Variants in SLC35G2 observed in about 807,000 individuals in gnomAD.
SLC35G2 encodes the protein solute carrier family 35 member G2.
SLC35G2 carries 20 observed loss-of-function variants against 27.2 expected under a neutral mutation model. The ratio of observed to expected loss-of-function variants is 0.74; its 90% CI spans 0.52 to 1.07. The LOEUF is 1.07. Among genes scored for constraint, SLC35G2 ranks in the 50% least tolerant of loss-of-function variants. The pLI is 0.00. For missense variants in SLC35G2, 416 were observed against 493.3 expected (o/e 0.84, Z 1.48); for synonymous variants, 148 against 165.3 (o/e 0.90, Z 0.80).
intron 1 of SLC35G2, among the ~76,000 whole-genome samples, chr3:136,836,122 T>TCACACACACACACCCA (rs1553784701): frequency 1.3e-5 from 2 of 151,624 alleles, no homozygotes; most frequent in African/African-American, 4.8e-5. Context: ...GCTAGGAAAT[T>TCACACACACACACCCA]CACACACACA....
intron 1 of SLC35G2, among the ~76,000 whole-genome samples, chr3:136,822,548 C>G (rs2107993533): frequency 6.6e-6 from 1 of 152,346 alleles, no homozygotes; most frequent in Non-Finnish European, 1.5e-5. Context: ...CTCCTGACCT[C>G]AGGTGATCTG....
At chr3:136,853,479 A>G (rs1321076010) in intron 1 of SLC35G2, among the ~76,000 whole-genome samples, 2 of 152,116 alleles carry the variant, frequency 1.3e-5, no homozygotes, top group East Asian at 1.9e-4. Context: ...ACTCTCCTGT[A>G]TGTACATTTT....
At position 136,854,779 on chromosome 3, in the gene SLC35G2, G is replaced by C. The variant is rs1287130202; in HGVS notation, c.319G>C (p.Val107Leu). 1.2e-6 allele frequency: 2 copies of C among 1,614,168 alleles called. No individual in the cohort carries two copies. The highest frequency in any genetic ancestry group is 3.3e-5 in the Admixed American group (2 of 60,012). ...NIFQSRKMWI[V>L]LFGSALAHGC... ...TTTTCAATCCCGAAAAATGTGGATA[G>C]TGCTGTTTGGATCTGCTTTGGCTCA... The change falls in exon 2 of 2, where the codon GTG becomes CTG. Residue 107 changes from valine (V) to leucine (L), a missense_variant. Physicochemically the swap from Val to Leu is conservative, Grantham distance 32. Transcript: ENST00000446465.
chr3:136,853,456 T>C lies in SLC35G2; in HGVS notation c.-18-987T>C, dbSNP rs1005099676. Among the ~76,000 whole-genome samples, 4 of 152,256 alleles carry C rather than the reference T, an allele frequency of 2.6e-5. No homozygotes were observed. In the East Asian group the frequency reaches 7.7e-4, roughly 29 times the overall value. ...TCCATTGTATGAACATTCATTGTAGTAAGCTACAATGAACTCTCCTGTATG... is the reference window on the plus strand; with the variant it reads ...TCCATTGTATGAACATTCATTGTAGCAAGCTACAATGAACTCTCCTGTATG... On this transcript the variant is annotated intron_variant, in intron 1 of 1. Coordinates refer to ENST00000446465, the MANE Select transcript of SLC35G2 (RefSeq NM_025246.3).
intron 1 of SLC35G2, among the ~76,000 whole-genome samples, chr3:136,830,079 T>C (rs1268448108): frequency 6.6e-6 from 1 of 151,514 alleles, no homozygotes; most frequent in African/African-American, 2.4e-5. Context: ...AGGCTGTTTC[T>C]AGATTTTTTA....
In SLC35G2 at chr3:136,835,307, C is replaced by CT. The variant is rs59937564; in HGVS notation, c.-19+15695dup. Among the ~76,000 whole-genome samples the CT allele has an allele frequency of 1.2e-3, 141 of 113,184 alleles. 1 individual carries two copies. Among genetic ancestry groups the CT allele is most frequent in the African/African-American group, 2.1e-3 (64 of 30,936 alleles). 74.3% of individuals were successfully genotyped at this position (113,184 alleles called of 152,430 possible). Reference sequence around the variant, plus strand: ...GACATTTTTGAGTTCAGGCCTTTTTCTTTTTTTTTTTTTTTTGTAGAGTTC... The same window carrying CT: ...GACATTTTTGAGTTCAGGCCTTTTTCTTTTTTTTTTTTTTTTTGTAGAGTTC... On this transcript the variant is annotated intron_variant, in intron 1 of 1. Coordinates refer to ENST00000446465, the MANE Select transcript of SLC35G2 (RefSeq NM_025246.3).
intron 1 of SLC35G2, among the ~76,000 whole-genome samples, chr3:136,830,740 CT>C (rs1185173670): frequency 1.3e-5 from 2 of 152,068 alleles, no homozygotes; most frequent in African/African-American, 4.8e-5. Flanking sequence ...ATTCTTTTTT[CT>C]TTTTGCTCTT....
chr3:136,823,698 C>T (rs866012888), intron 1 of SLC35G2, among the ~76,000 whole-genome samples: 65 of 151,954 alleles, frequency 4.3e-4, no homozygotes, highest in Admixed American at 4.0e-3. Flanking sequence ...CAGGTTCAAA[C>T]GATTCTCCTG....
chr3:136,820,459 G>A (rs1414424487), intron 1 of SLC35G2: 1 of 152,230 alleles, frequency 6.6e-6, no homozygotes. Flanking sequence ...TTTCAGACAA[G>A]TTGAGGCTGG....
rs763513492 is a variant in SLC35G2 at position 136,854,480 on chromosome 3, G to A, written c.20G>A (p.Arg7Lys). The A allele has an allele frequency of 6.3e-7, 1 of 1,578,940 alleles. No individual in the cohort carries two copies. Among genetic ancestry groups the A allele is most frequent in the African/African-American group, 1.4e-5 (1 of 73,314 alleles). Residue 7 changes from arginine to lysine, a missense_variant, in exon 2 of 2, where the codon AGA becomes AAA. Arg to Lys is a conservative substitution (Grantham distance 26, BLOSUM62 2). Coordinates refer to ENST00000446465, the MANE Select transcript of SLC35G2 (RefSeq NM_025246.3). Reference sequence around the variant, plus strand: ...GAAGAAATGGATACTTCTCCCTCCAGAAAATATCCAGTTAAAAAACGGGTG... The same window carrying A: ...GAAGAAATGGATACTTCTCCCTCCAAAAAATATCCAGTTAAAAAACGGGTG... MDTSPS[R>K]KYPVKKRVKI...
intron 1 of SLC35G2, among the ~76,000 whole-genome samples, chr3:136,840,815 G>A (rs1937058830): frequency 6.6e-6 from 1 of 151,572 alleles, no homozygotes; most frequent in African/African-American, 2.4e-5. Context: ...TAGAAATGGG[G>A]TTTCACCATG....
intron 1 of SLC35G2, among the ~76,000 whole-genome samples, chr3:136,852,229 A>G (rs376613345): frequency 1.4e-5 from 2 of 138,270 alleles, no homozygotes; most frequent in Non-Finnish European, 3.2e-5. Context: ...GTGCAGGAAG[A>G]AGGACTGCAA....
intron 1 of SLC35G2, among the ~76,000 whole-genome samples, chr3:136,830,044 A>C (rs1162316628): frequency 6.6e-6 from 1 of 151,532 alleles, no homozygotes; most frequent in African/African-American, 2.4e-5. Context: ...CTTTAAGGCC[A>C]ATAACTCTGA....
At chr3:136,840,294 A>AT (rs1219470212) in intron 1 of SLC35G2, among the ~76,000 whole-genome samples, 10 of 151,958 alleles carry the variant, frequency 6.6e-5, no homozygotes, top group Non-Finnish European at 1.5e-4. Context: ...GTGTGCCCAG[A>AT]TTTTTTTCTA....
At chr3:136,852,232 G>A (rs1237541328) in intron 1 of SLC35G2, among the ~76,000 whole-genome samples, 2 of 148,416 alleles carry the variant, frequency 1.3e-5, no homozygotes, top group Non-Finnish European at 3.0e-5. Flanking sequence ...CAGGAAGAAG[G>A]ACTGCAAATG....
chr3:136,833,320 G>T (rs143106277), intron 1 of SLC35G2, among the ~76,000 whole-genome samples: 1 of 152,242 alleles, frequency 6.6e-6, no homozygotes, highest in African/African-American at 2.4e-5. Flanking sequence ...CATGGAGAAA[G>T]ATTTTGACTC....
chr3:136,853,945 G>GATAT (rs1418167955), intron 1 of SLC35G2, among the ~76,000 whole-genome samples: 46 of 152,108 alleles, frequency 3.0e-4, no homozygotes, highest in Middle Eastern at 3.4e-3. Context: ...AAACTTATGG[G>GATAT]GAGTCCAGAA....
chr3:136,847,365 C>T (rs1034999965), intron 1 of SLC35G2, among the ~76,000 whole-genome samples: 3 of 152,052 alleles, frequency 2.0e-5, no homozygotes, highest in East Asian at 1.9e-4. Context: ...ACTGAGGAGG[C>T]CCTCCAGAAT....
At chr3:136,841,396 C>T (rs1937090051) in intron 1 of SLC35G2, among the ~76,000 whole-genome samples, 1 of 152,016 alleles carries the variant, frequency 6.6e-6, no homozygotes, top group Non-Finnish European at 1.5e-5. Flanking sequence ...ATTTTTGAGT[C>T]AGATATCAGT....
Sources: gnomAD v4.1 joint callset for allele counts (sites outside exome capture counted in the v4.1 genomes callset) on GRCh38, gnomAD v4.1.1 for gene constraint, MANE v1.5 for transcripts, NCBI Gene and HGNC (gene_info 2026-07-23, HGNC 2026-07-21) for gene names.